Variants in CCDC30 observed in about 807,000 individuals in gnomAD.
CCDC30 encodes the protein coiled-coil domain containing 30.
Under a neutral mutation model 100.2 loss-of-function variants are expected in CCDC30, and 70 were observed. That is an observed-to-expected ratio of 0.70 (90% CI 0.58 to 0.85). The LOEUF (loss-of-function observed/expected upper bound fraction) is 0.85. Among genes scored for constraint, CCDC30 ranks in the 40% least tolerant of loss-of-function variants. CCDC30 has a pLI of 0.00. For missense variants in CCDC30, 652 were observed against 771.2 expected (o/e 0.85, Z 1.83); for synonymous variants, 233 against 269.5 (o/e 0.86, Z 1.33).
At chr1:42,510,742 G>T (rs1209621138) in intron 6 of CCDC30, among the ~76,000 whole-genome samples, 1 of 151,938 alleles carries the variant, frequency 6.6e-6, no homozygotes, top group Non-Finnish European at 1.5e-5. Context: ...TTTGCCTAAG[G>T]TCCTGCAATG....
intron 6 of CCDC30, among the ~76,000 whole-genome samples, chr1:42,554,530 A>C (rs1645328100): frequency 6.6e-6 from 1 of 150,400 alleles, no homozygotes; most frequent in African/African-American, 2.4e-5. Context: ...CGCCCACCTC[A>C]CCTCCCAAAG....
chr1:42,460,827 C>T (rs2148423088), upstream of CCDC30, among the ~76,000 whole-genome samples: 2 of 152,282 alleles, frequency 1.3e-5, no homozygotes, highest in Non-Finnish European at 2.9e-5. Flanking sequence ...AATGAAATAG[C>T]AAAAAGAAAG....
intron 11 of CCDC30, among the ~76,000 whole-genome samples, chr1:42,630,749 A>G (rs1020246021): frequency 1.3e-5 from 2 of 152,066 alleles, no homozygotes; most frequent in African/African-American, 4.8e-5. Flanking sequence ...CTGCTATTAA[A>G]TGACTCTAAT....
chr1:42,515,119 A>G (rs1644535471), intron 6 of CCDC30, among the ~76,000 whole-genome samples: 2 of 152,132 alleles, frequency 1.3e-5, no homozygotes, highest in Admixed American at 1.3e-4. Flanking sequence ...CAATTATAAC[A>G]AGAAGAAATG....
At position 42,611,163 on chromosome 1, in the gene CCDC30, C is replaced by T. The variant is rs529591280; in HGVS notation, c.1277+73C>T. 1.0e-5 allele frequency: 9 copies of T among 860,310 alleles called. No homozygotes were observed. The South Asian group carries it at 1.3e-4, about 12-fold the overall frequency. The allele number at this position is 860,310 out of a possible 1,614,324, so 53.3% of individuals were successfully genotyped here. A position where few individuals can be genotyped will look rare whatever the true frequency, so the allele number is the denominator to read the frequency against. On this transcript the variant is annotated intron_variant, in intron 11 of 16. Coordinates refer to ENST00000668663, the Ensembl canonical transcript of CCDC30. ...ATTTCTTGCTGAGCAGGCTCTAGGG[C>T]TAAATGGTGGGCTGCTCACTGAAGC...
At chr1:42,459,295 T>A (rs1643335493), upstream of CCDC30, 1 of 284,072 alleles carries the variant, frequency 3.5e-6, no homozygotes, top group Admixed American at 4.8e-5. Flanking sequence ...CCTGAGTAGC[T>A]GGGACTACAG....
chr1:42,577,042 C>T lies in CCDC30; in HGVS notation c.659C>T (p.Ala220Val), dbSNP rs1217676930. The change falls in exon 8 of 17, where the codon GCC becomes GTC. Residue 220 changes from alanine (A) to valine (V), a missense_variant. Physicochemically the swap from Ala to Val is moderately conservative, Grantham distance 64. Transcript: ENST00000668663. ...TAGATAAAGATTGAACTAAAGCATG[C>T]CCAACAGAAGTTATTAGACAGCACA... is the stretch of plus-strand genomic sequence containing the variant. The T allele has an allele frequency of 1.2e-6, 2 of 1,613,090 alleles. No individual in the cohort carries two copies. The highest frequency in any genetic ancestry group is 1.7e-6 in the Non-Finnish European group (2 of 1,179,272).
chr1:42,513,525 G>A (rs143630906), intron 6 of CCDC30, among the ~76,000 whole-genome samples: 2 of 152,138 alleles, frequency 1.3e-5, no homozygotes, highest in Non-Finnish European at 2.9e-5. Flanking sequence ...CTAGTCCCAG[G>A]TAGCCTTTTC....
intron 11 of CCDC30, among the ~76,000 whole-genome samples, chr1:42,636,098 T>A (rs922462438): frequency 6.6e-6 from 1 of 151,824 alleles, no homozygotes; most frequent in African/African-American, 2.4e-5. Context: ...AGAATCAGAG[T>A]CTTGAAAGTG....
chr1:42,634,178 AG>A (rs1647098487), intron 11 of CCDC30, among the ~76,000 whole-genome samples: 2 of 149,726 alleles, frequency 1.3e-5, no homozygotes, highest in South Asian at 2.1e-4. Context: ...CTCTAGTCCC[AG>A]CTACTCAGGA....
At chr1:42,473,551 T>A (rs1643835383) in intron 1 of CCDC30, 1 of 350,576 alleles carries the variant, frequency 2.9e-6, no homozygotes, top group Non-Finnish European at 5.1e-6. Context: ...TCCAGGTAGC[T>A]TTCATTATCT....
intron 11 of CCDC30, among the ~76,000 whole-genome samples, chr1:42,614,871 C>T (rs1240863794): frequency 2.0e-5 from 3 of 152,088 alleles, no homozygotes; most frequent in Non-Finnish European, 2.9e-5. Context: ...GCACCTACTG[C>T]TTCTCCCATC....
chr1:42,579,325 C>G (rs573694710), intron 8 of CCDC30, among the ~76,000 whole-genome samples: 2 of 151,204 alleles, frequency 1.3e-5, no homozygotes, highest in African/African-American at 4.8e-5. Context: ...AGAGGCGAGG[C>G]GAGGCAAGTG....
At chr1:42,638,445 T>TA (rs902889723) in intron 12 of CCDC30, among the ~76,000 whole-genome samples, 1 of 151,940 alleles carries the variant, frequency 6.6e-6, no homozygotes, top group Non-Finnish European at 1.5e-5. Flanking sequence ...AGTCCTCCTT[T>TA]TTTTGCCATT....
intron 7 of CCDC30, among the ~76,000 whole-genome samples, chr1:42,576,806 A>G (rs1031861141): frequency 2.0e-5 from 3 of 152,196 alleles, no homozygotes; most frequent in Non-Finnish European, 4.4e-5. Context: ...TGTTTAGACC[A>G]TGCATATATA....
chr1:42,481,862 A>C (rs1201484224), intron 2 of CCDC30, among the ~76,000 whole-genome samples: 1 of 152,192 alleles, frequency 6.6e-6, no homozygotes, highest in African/African-American at 2.4e-5. Flanking sequence ...AAGCTATCCA[A>C]ATTTTTAAGT....
At chr1:42,465,611 C>T (rs1643551897) in intron 1 of CCDC30, among the ~76,000 whole-genome samples, 1 of 152,126 alleles carries the variant, frequency 6.6e-6, no homozygotes, top group South Asian at 2.1e-4. Flanking sequence ...GTGATCCGCC[C>T]ACCTCAGCCT....
At chr1:42,536,865 T>G in intron 6 of CCDC30, 1 of 429,450 alleles carries the variant, frequency 2.3e-6, no homozygotes. Flanking sequence ...TGCTGTGTCC[T>G]CACATGACAG....
chr1:42,490,320 C>T, intron 4 of CCDC30, 91 bp downstream of exon 4: 1 of 533,782 alleles, frequency 1.9e-6, no homozygotes, highest in Non-Finnish European at 2.8e-6. Context: ...GAGGCTTGGG[C>T]CCAGGAGTTG....
Sources: gnomAD v4.1 joint callset for allele counts (sites outside exome capture counted in the v4.1 genomes callset) on GRCh38, gnomAD v4.1.1 for gene constraint, MANE v1.5 for transcripts, NCBI Gene and HGNC (gene_info 2026-07-23, HGNC 2026-07-21) for gene names.